The following NME7 variants were observed in gnomAD, a reference collection of about 807,000 sequenced individuals.
NME7 encodes the protein nucleoside diphosphate kinase 7.
In NME7, 41 loss-of-function variants were observed where a neutral mutation model predicts 49.1. That is an observed-to-expected ratio of 0.83 (90% CI 0.65 to 1.08). The LOEUF (loss-of-function observed/expected upper bound fraction) is 1.08. NME7 is among the 50% of genes least tolerant of loss of function. The probability of loss-of-function intolerance (pLI) is 0.00; values close to 1 mark genes in which losing one functional copy is unlikely to be tolerated. For missense variants in NME7, 423 were observed against 463.4 expected, an observed-to-expected ratio of 0.91 and a Z score of 0.80; for synonymous variants, 139 against 150.6, an observed-to-expected ratio of 0.92 and a Z score of 0.56.
At chr1:169,282,903 TGAG>T (rs1444161649) in intron 7 of NME7, among the ~76,000 whole-genome samples, 2 of 152,212 alleles carry the variant, frequency 1.3e-5, no homozygotes, top group East Asian at 1.9e-4. Flanking sequence ...GATGAGGTGC[TGAG>T]AAGAATGTAT....
At chr1:169,367,266 C>A (rs541065943) in intron 1 of NME7, among the ~76,000 whole-genome samples, 9 of 152,214 alleles carry the variant, frequency 5.9e-5, no homozygotes, top group African/African-American at 1.9e-4. Context: ...CTCGTGGGGG[C>A]GTGGGGCAGT....
At chr1:169,211,801 C>T (rs541343160) in intron 10 of NME7, among the ~76,000 whole-genome samples, 9 of 152,134 alleles carry the variant, frequency 5.9e-5, no homozygotes, top group African/African-American at 2.2e-4. Flanking sequence ...TATAAAATTC[C>T]AAACCTCTGA....
At chr1:169,307,861 A>T (rs1651235587) in intron 4 of NME7, among the ~76,000 whole-genome samples, 1 of 152,118 alleles carries the variant, frequency 6.6e-6, no homozygotes, top group South Asian at 2.1e-4. Flanking sequence ...CTCTACTAAA[A>T]ATACAAAAAT....
At chr1:169,208,839 G>A (rs1023964968) in intron 10 of NME7, among the ~76,000 whole-genome samples, 1 of 151,946 alleles carries the variant, frequency 6.6e-6, no homozygotes, top group Non-Finnish European at 1.5e-5. Flanking sequence ...CAAGTTTATG[G>A]GTGATAATAA....
chr1:169,262,949 C>G (rs1244102446), intron 7 of NME7, among the ~76,000 whole-genome samples: 2 of 133,058 alleles, frequency 1.5e-5, no homozygotes, highest in African/African-American at 2.5e-5. Flanking sequence ...CCAGAATAAC[C>G]AACAAAAGAA....
chr1:169,284,905 C>T (rs1296512764), intron 7 of NME7: 1 of 151,984 alleles, frequency 6.6e-6, no homozygotes, highest in African/African-American at 2.4e-5. Flanking sequence ...ACATATTTTT[C>T]CTTGAAAAGG....
At chr1:169,223,787 A>T (rs1469345667) in intron 10 of NME7, among the ~76,000 whole-genome samples, 1 of 130,622 alleles carries the variant, frequency 7.7e-6, no homozygotes, top group Non-Finnish European at 1.6e-5. Context: ...ATATATATAT[A>T]GAGAGAGAGA....
intron 10 of NME7, among the ~76,000 whole-genome samples, chr1:169,185,362 A>T (rs1660038267): frequency 6.6e-6 from 1 of 152,192 alleles, no homozygotes; most frequent in African/African-American, 2.4e-5. Flanking sequence ...ATGAAATTTG[A>T]CCCAGGATAA....
Position 169,266,687 on chromosome 1 carries a change from A to G in NME7, c.754+20616T>C, listed in dbSNP as rs889931122. On this transcript the variant is annotated intron_variant, in intron 7 of 11. Coordinates refer to ENST00000367811, the MANE Select transcript of NME7 (RefSeq NM_013330.5). Reference sequence around the variant, plus strand: ...CCCTGTTTGAAGATGACATGATTCTATATCTAAAAAACCTCATTAGTCTCT... The same window carrying G: ...CCCTGTTTGAAGATGACATGATTCTGTATCTAAAAAACCTCATTAGTCTCT... 1.1e-4 allele frequency among the ~76,000 whole-genome samples: 15 copies of G among 133,686 alleles called. 3 individuals carry two copies. The highest frequency in any genetic ancestry group is 2.6e-4 in the Non-Finnish European group (15 of 56,918). 87.7% of individuals were successfully genotyped at this position (133,686 alleles called of 152,430 possible). A position where few individuals can be genotyped will look rare whatever the true frequency, so the allele number is the denominator to read the frequency against.
intron 3 of NME7, among the ~76,000 whole-genome samples, chr1:169,312,552 G>A (rs966600402): frequency 3.3e-5 from 5 of 152,092 alleles, no homozygotes; most frequent in African/African-American, 4.8e-5. Context: ...AGCAATACAC[G>A]GTAACTACTT....
intron 10 of NME7, among the ~76,000 whole-genome samples, chr1:169,203,751 C>A (rs191414383): frequency 6.6e-6 from 1 of 152,166 alleles, no homozygotes; most frequent in African/African-American, 2.4e-5. Flanking sequence ...TTCAAAATGG[C>A]TAGTTTCTCT....
intron 7 of NME7, among the ~76,000 whole-genome samples, chr1:169,252,483 T>C (rs1277552869): frequency 1.3e-5 from 2 of 152,074 alleles, no homozygotes; most frequent in Non-Finnish European, 2.9e-5. Context: ...AAGAGTAGGT[T>C]GCGAAAATTT....
At chr1:169,149,156 C>A (rs1351026322) in intron 11 of NME7, among the ~76,000 whole-genome samples, 1 of 152,166 alleles carries the variant, frequency 6.6e-6, no homozygotes, top group South Asian at 2.1e-4. Flanking sequence ...GCCTGGCTAA[C>A]ATGGTGAAAT....
chr1:169,188,991 G>A (rs952783394), intron 10 of NME7, among the ~76,000 whole-genome samples: 3 of 152,158 alleles, frequency 2.0e-5, no homozygotes, highest in Non-Finnish European at 2.9e-5. Flanking sequence ...ATTTGATTGG[G>A]TGGAAGTCTA....
At chr1:169,211,309 A>C (rs1297524991) in intron 10 of NME7, among the ~76,000 whole-genome samples, 1 of 152,172 alleles carries the variant, frequency 6.6e-6, no homozygotes, top group African/African-American at 2.4e-5. Context: ...TTTTGTTCCT[A>C]TATTTACAGT....
At chr1:169,320,054 T>C (rs773207362) in intron 3 of NME7, among the ~76,000 whole-genome samples, 1 of 152,216 alleles carries the variant, frequency 6.6e-6, no homozygotes, top group African/African-American at 2.4e-5. Flanking sequence ...CTATCATTCA[T>C]ACACATGCAT....
rs1424163354 is a variant in NME7 at position 169,207,439 on chromosome 1, G to C, written c.990+23279C>G. The stretch of plus-strand genomic sequence containing the variant: ...CTGAATTCTATTCCCAAAAGCCATA[G>C]GGGTCTGTAGACATCAGGATAAGAA... On this transcript the variant is annotated intron_variant, in intron 10 of 11. Transcript: ENST00000367811. Among the ~76,000 whole-genome samples, 4 of 152,072 alleles carry C rather than the reference G, an allele frequency of 2.6e-5. No individual in the cohort carries two copies. In the East Asian group the frequency reaches 7.7e-4, roughly 29 times the overall value.
At chr1:169,343,746 C>T (rs1357367404) in intron 1 of NME7, among the ~76,000 whole-genome samples, 14 of 152,126 alleles carry the variant, frequency 9.2e-5, no homozygotes, top group Admixed American at 3.3e-4. Flanking sequence ...CCTCCTGCCT[C>T]GGCCTCCCAA....
chr1:169,332,972 A>ATATACC (rs1652315200), intron 1 of NME7, among the ~76,000 whole-genome samples: 1 of 152,194 alleles, frequency 6.6e-6, no homozygotes, highest in South Asian at 2.1e-4. Flanking sequence ...TACCCAAATA[A>ATATACC]AAGGGAATCA....
Sources: gnomAD v4.1 joint callset for allele counts (sites outside exome capture counted in the v4.1 genomes callset) on GRCh38, gnomAD v4.1.1 for gene constraint, MANE v1.5 for transcripts, NCBI Gene and HGNC (gene_info 2026-07-23, HGNC 2026-07-21) for gene names.